KATNAL1: variants seen among roughly 807,000 people sequenced by gnomAD.
KATNAL1 encodes the protein katanin p60 ATPase-containing subunit A-like 1.
In KATNAL1, 32 loss-of-function variants were observed where a neutral mutation model predicts 55.2. That is an observed-to-expected ratio of 0.58 (90% confidence interval 0.44 to 0.78). The LOEUF is 0.78. Ranked by LOEUF, KATNAL1 falls within the 30% of genes least tolerant of loss-of-function variation. The pLI is 0.00. For synonymous variants in KATNAL1, 193 were observed against 193.6 expected, an observed-to-expected ratio of 1.00 and a Z score of 0.02; for missense variants, 466 against 600.9, an observed-to-expected ratio of 0.78 and a Z score of 2.35.
chr13:30,300,106 A>G (rs969923996), intron 1 of KATNAL1, among the ~76,000 whole-genome samples: 24 of 152,150 alleles, frequency 1.6e-4, no homozygotes, highest in Non-Finnish European at 1.9e-4. Flanking sequence ...CAGGGATGTC[A>G]CTCATAATTC....
intron 9 of KATNAL1, among the ~76,000 whole-genome samples, chr13:30,220,540 A>C (rs80038626): frequency 0.041 from 6,227 of 152,248 alleles, 174 homozygotes; most frequent in African/African-American, 0.071. Context: ...AAGGAAAAAA[A>C]CGCTCGAATT....
chr13:30,243,640 G>T (rs1877497016), intron 4 of KATNAL1, among the ~76,000 whole-genome samples: 1 of 141,356 alleles, frequency 7.1e-6, no homozygotes, highest in African/African-American at 2.6e-5. Flanking sequence ...AAAAGCAAGG[G>T]CCAGTAACAA....
intron 4 of KATNAL1, among the ~76,000 whole-genome samples, chr13:30,250,048 T>C (rs1878155793): frequency 6.6e-6 from 1 of 152,248 alleles, no homozygotes; most frequent in Non-Finnish European, 1.5e-5. Context: ...TAGTTTATTG[T>C]ATCTCTATGG....
chr13:30,208,403 C>T lies in KATNAL1; in HGVS notation c.*137G>A, dbSNP rs989333318. ...TTTCTCAACTACATTTAGTATTCTT[C>T]GCAGTTTTAGATTTTTTTTTCCTTT... is the stretch of plus-strand genomic sequence containing the variant. On this transcript the variant is annotated 3_prime_UTR_variant, in exon 11 of 11. Transcript: ENST00000380615. The T allele has an allele frequency of 3.1e-5, 20 of 654,212 alleles. No individual in the cohort carries two copies. The South Asian group carries it at 3.1e-4, about 10-fold the overall frequency. The allele number at this position is 654,212 out of a possible 1,614,324, so 40.5% of individuals were successfully genotyped here. A position where few individuals can be genotyped will look rare whatever the true frequency, so the allele number is the denominator to read the frequency against.
In KATNAL1 at chr13:30,217,967, G is replaced by A. The variant is rs143040224; in HGVS notation, c.1148-7525C>T. Among the ~76,000 whole-genome samples the A allele has an allele frequency of 2.8e-3, 432 of 152,188 alleles. 3 individuals are homozygous for A. The highest frequency in any genetic ancestry group is 8.3e-3 in the African/African-American group (344 of 41,510). On this transcript the variant is annotated intron_variant, in intron 9 of 10. Transcript: ENST00000380615. Reference sequence around the variant, plus strand: ...CTGGGGACACGAGACAGGCCAGGGCGAGAAGACTGCGTGATGTCCACATGC... The same window carrying A: ...CTGGGGACACGAGACAGGCCAGGGCAAGAAGACTGCGTGATGTCCACATGC...
At chr13:30,306,719 A>C (rs1311266354) in intron 1 of KATNAL1, 1 of 152,240 alleles carries the variant, frequency 6.6e-6, no homozygotes, top group Non-Finnish European at 1.5e-5. Flanking sequence ...AAACCTGTTA[A>C]AACACGGTTT....
intron 6 of KATNAL1, among the ~76,000 whole-genome samples, chr13:30,232,774 C>T (rs1876235310): frequency 6.6e-6 from 1 of 152,072 alleles, no homozygotes; most frequent in Admixed American, 6.6e-5. Flanking sequence ...TTTCCTGTAT[C>T]TCTTTGTCTA....
At chr13:30,235,763 T>TA (rs1876594474) in intron 6 of KATNAL1, among the ~76,000 whole-genome samples, 1 of 152,114 alleles carries the variant, frequency 6.6e-6, no homozygotes, top group Non-Finnish European at 1.5e-5. Context: ...ACTGTCATCG[T>TA]AAGTACAGCT....
intron 6 of KATNAL1, among the ~76,000 whole-genome samples, chr13:30,235,848 C>CA (rs140120633): frequency 0.07 from 9,699 of 138,404 alleles, 588 homozygotes; most frequent in African/African-American, 0.17. Context: ...GTTTGATTCC[C>CA]AAAAAAAAAA....
intron 1 of KATNAL1, among the ~76,000 whole-genome samples, chr13:30,297,099 C>G (rs556632775): frequency 6.7e-6 from 1 of 150,064 alleles, no homozygotes; most frequent in East Asian, 1.9e-4. Flanking sequence ...CACACCACTA[C>G]GCTCCAGCCC....
At chr13:30,217,765 T>C (rs1232491358) in intron 9 of KATNAL1, among the ~76,000 whole-genome samples, 2 of 152,180 alleles carry the variant, frequency 1.3e-5, no homozygotes, top group East Asian at 3.9e-4. Context: ...AGAATCTACC[T>C]TATAAAGCTG....
intron 1 of KATNAL1, among the ~76,000 whole-genome samples, chr13:30,285,879 C>A (rs924359091): frequency 6.6e-6 from 1 of 152,170 alleles, no homozygotes; most frequent in Non-Finnish European, 1.5e-5. Flanking sequence ...TGTGCTTTGG[C>A]AAAGAGACTG....
At chr13:30,217,769 A>T (rs1874435711) in intron 9 of KATNAL1, among the ~76,000 whole-genome samples, 1 of 152,132 alleles carries the variant, frequency 6.6e-6, no homozygotes, top group South Asian at 2.1e-4. Context: ...TCTACCTTAT[A>T]AAGCTGTCAT....
At chr13:30,260,566 A>G (rs1099847) in intron 3 of KATNAL1, among the ~76,000 whole-genome samples, 151,949 of 152,174 alleles carry the variant, frequency 1, 75,864 homozygotes, top group Middle Eastern at 1. Flanking sequence ...AGAACTACGC[A>G]AAGAATGCAG....
rs1455069711 is a variant in KATNAL1 at position 30,214,843 on chromosome 13, C to G, written c.1148-4401G>C. On this transcript the variant is annotated intron_variant, in intron 9 of 10. Coordinates refer to ENST00000380615, the MANE Select transcript of KATNAL1 (RefSeq NM_032116.5). ...CCCTAGAAGAAAACCTAGGCATTAC[C>G]ATTCAGGACATAGGCATGGGCAAGG... is the stretch of plus-strand genomic sequence containing the variant. Among the ~76,000 whole-genome samples, 3 of 151,226 alleles carry G rather than the reference C, an allele frequency of 2.0e-5. No individual in the cohort carries two copies. In the East Asian group the frequency reaches 5.8e-4, roughly 29 times the overall value.
chr13:30,219,289 C>T (rs1874615387), intron 9 of KATNAL1, among the ~76,000 whole-genome samples: 1 of 151,946 alleles, frequency 6.6e-6, no homozygotes, highest in Non-Finnish European at 1.5e-5. Flanking sequence ...CCTTTTTATC[C>T]TATCTGGTGG....
intron 3 of KATNAL1, among the ~76,000 whole-genome samples, chr13:30,278,575 A>C (rs1881039454): frequency 6.6e-6 from 1 of 152,204 alleles, no homozygotes; most frequent in African/African-American, 2.4e-5. Flanking sequence ...CATCAATGTT[A>C]GTTATTATCT....
rs543772654 is a variant in KATNAL1, at chr13:30,262,390, G to C, written c.324-6775C>G. On this transcript the variant is annotated intron_variant, in intron 3 of 10. Coordinates refer to ENST00000380615, the MANE Select transcript of KATNAL1 (RefSeq NM_032116.5). ...AATCAGAGCAGAACTGAAGGAAATAGAGACACAAAAAACCCTTCAAAAAAT... is the reference window on the plus strand; with the variant it reads ...AATCAGAGCAGAACTGAAGGAAATACAGACACAAAAAACCCTTCAAAAAAT... Among the ~76,000 whole-genome samples, 665 of 152,162 alleles carry C rather than the reference G, an allele frequency of 4.4e-3. 5 individuals are homozygous for C. Among genetic ancestry groups the C allele is most frequent in the African/African-American group, 0.015 (638 of 41,502 alleles).
intron 3 of KATNAL1, among the ~76,000 whole-genome samples, chr13:30,258,770 C>T (rs1392657743): frequency 6.6e-6 from 1 of 150,618 alleles, no homozygotes; most frequent in Non-Finnish European, 1.5e-5. Flanking sequence ...GATTTTTTTT[C>T]ACCCAAATGG....
Sources: gnomAD v4.1 joint callset for allele counts (sites outside exome capture counted in the v4.1 genomes callset) on GRCh38, gnomAD v4.1.1 for gene constraint, MANE v1.5 for transcripts, NCBI Gene and HGNC (gene_info 2026-07-23, HGNC 2026-07-21) for gene names.